The following CFAP61 variants were observed in gnomAD, a reference collection of about 807,000 sequenced individuals.
CFAP61 encodes cilia- and flagella-associated protein 61.
A neutral mutation model predicts 135.6 loss-of-function variants in CFAP61; 107 were observed. That is an observed-to-expected ratio of 0.79 (90% CI 0.67 to 0.93). CFAP61 has a LOEUF of 0.93. Ranked by LOEUF, CFAP61 falls within the 40% of genes least tolerant of loss-of-function variation. The probability of loss-of-function intolerance (pLI) is 0.00; values close to 1 mark genes in which losing one functional copy is unlikely to be tolerated. For synonymous variants in CFAP61, 575 were observed against 578.5 expected (o/e 0.99, Z 0.09); for missense variants, 1,507 against 1,556.2 (o/e 0.97, Z 0.53).
intron 25 of CFAP61, chr20:20,317,008 C>T (rs1569288535): frequency 6.6e-6 from 1 of 151,242 alleles, no homozygotes; most frequent in African/African-American, 2.4e-5. Flanking sequence ...TCCCGAGTAG[C>T]TGGGATTACA....
intron 21 of CFAP61, chr20:20,265,426 G>A: frequency 2.6e-6 from 2 of 779,814 alleles, no homozygotes; most frequent in East Asian, 4.8e-5. Flanking sequence ...TGGAGGAAGA[G>A]CATCAGTGTT....
intron 18 of CFAP61, among the ~76,000 whole-genome samples, chr20:20,238,959 T>G (rs1003048118): frequency 2.1e-5 from 3 of 145,728 alleles, no homozygotes; most frequent in African/African-American, 2.7e-5. Flanking sequence ...ACTTGAAACT[T>G]TTTTTTTTTT....
chr20:20,146,652 T>C (rs1361709777), intron 9 of CFAP61, among the ~76,000 whole-genome samples: 4 of 152,254 alleles, frequency 2.6e-5, no homozygotes, highest in South Asian at 4.1e-4. Context: ...AACTTGCTTA[T>C]ATCCATTCCT....
chr20:20,106,978 T>G (rs949650152), intron 8 of CFAP61, among the ~76,000 whole-genome samples: 2 of 152,094 alleles, frequency 1.3e-5, no homozygotes, highest in African/African-American at 4.8e-5. Flanking sequence ...GTGATAGGGG[T>G]GATTCAAGGG....
At chr20:20,085,262 T>C (rs2046715669) in intron 6 of CFAP61, 1 of 985,468 alleles carries the variant, frequency 1.0e-6, no homozygotes. Flanking sequence ...CGTTGAAACA[T>C]TTGACTGCAT....
At chr20:20,341,009 G>C (rs2058424166) in intron 25 of CFAP61, among the ~76,000 whole-genome samples, 1 of 152,032 alleles carries the variant, frequency 6.6e-6, no homozygotes, top group Non-Finnish European at 1.5e-5. Flanking sequence ...AAAACGGAAG[G>C]TGCCCATTCA....
intron 25 of CFAP61, among the ~76,000 whole-genome samples, chr20:20,300,673 C>T (rs1185754467): frequency 8.7e-5 from 13 of 149,652 alleles, no homozygotes; most frequent in African/African-American, 2.2e-4. Context: ...GGCATGAGCT[C>T]GGCTCACTGA....
intron 26 of CFAP61, among the ~76,000 whole-genome samples, chr20:20,356,461 G>A (rs183794585): frequency 6.7e-5 from 10 of 150,302 alleles, no homozygotes; most frequent in African/African-American, 1.7e-4. Context: ...GTGAGGGGAG[G>A]TGGTCACACT....
rs534164989 is a variant in CFAP61 at position 20,331,605 on chromosome 20, C to T, written c.3423-10226C>T. 5.9e-5 allele frequency among the ~76,000 whole-genome samples: 9 copies of T among 152,198 alleles called. No homozygotes were observed. In the South Asian group the frequency reaches 8.3e-4, roughly 14 times the overall value. On this transcript the variant is annotated intron_variant, in intron 25 of 26. Coordinates refer to ENST00000245957, the MANE Select transcript of CFAP61 (RefSeq NM_015585.4). ...GAGCACTTGTTCAGAATTTAAAGAG[C>T]CATTACTTTAACCAAAGGAATAATA...
At chr20:20,191,676 C>T (rs1367313902) in intron 15 of CFAP61, among the ~76,000 whole-genome samples, 1 of 152,098 alleles carries the variant, frequency 6.6e-6, no homozygotes, top group Non-Finnish European at 1.5e-5. Flanking sequence ...TAGCTTTCCA[C>T]CACCTATACA....
rs547495892 is a variant in CFAP61, at chr20:20,054,761, A to G, written c.-36-1857A>G. Among the ~76,000 whole-genome samples the G allele has an allele frequency of 8.5e-5, 13 of 152,132 alleles. No individual in the cohort carries two copies. In the South Asian group the frequency reaches 2.7e-3, roughly 32 times the overall value. On this transcript the variant is annotated intron_variant, in intron 1 of 26. Coordinates refer to ENST00000245957, the MANE Select transcript of CFAP61 (RefSeq NM_015585.4). ...TGAGAAATATTCTGTCAGTCTAATT[A>G]TTTTTTATAGACAGTCTGTCTTTTG...
intron 6 of CFAP61, among the ~76,000 whole-genome samples, chr20:20,083,340 G>A (rs2046564695): frequency 6.6e-6 from 1 of 151,884 alleles, no homozygotes; most frequent in Admixed American, 6.6e-5. Flanking sequence ...GGGGGCTGGG[G>A]AGGGGGAGGT....
intron 7 of CFAP61, among the ~76,000 whole-genome samples, chr20:20,092,134 G>A (rs1424064838): frequency 1.3e-5 from 2 of 152,126 alleles, no homozygotes; most frequent in Admixed American, 6.5e-5. Context: ...ACAATTCTCC[G>A]ATCCGTCTTT....
chr20:20,350,123 T>C (rs2058779674), intron 26 of CFAP61, among the ~76,000 whole-genome samples: 1 of 152,094 alleles, frequency 6.6e-6, no homozygotes, highest in African/African-American at 2.4e-5. Context: ...GAAATGCAAA[T>C]CAGAACCATA....
At chr20:20,350,556 G>A (rs1476589079) in intron 26 of CFAP61, among the ~76,000 whole-genome samples, 2 of 150,990 alleles carry the variant, frequency 1.3e-5, no homozygotes, top group African/African-American at 4.9e-5. Context: ...TTGAACCCAG[G>A]AGGTGGATGT....
chr20:20,153,892 G>A (rs550633529), intron 9 of CFAP61, among the ~76,000 whole-genome samples: 222 of 151,938 alleles, frequency 1.5e-3, no homozygotes, highest in African/African-American at 5.0e-3. Context: ...CCAAAACCGG[G>A]AAAGGACATA....
chr20:20,161,532 C>T (rs955117214), intron 10 of CFAP61, among the ~76,000 whole-genome samples: 6 of 152,148 alleles, frequency 3.9e-5, no homozygotes, highest in Non-Finnish European at 8.8e-5. Context: ...GAAACTCAGG[C>T]ATCTTTATGG....
At chr20:20,072,420 C>T (rs1325233939) in intron 3 of CFAP61, among the ~76,000 whole-genome samples, 1 of 151,982 alleles carries the variant, frequency 6.6e-6, no homozygotes, top group African/African-American at 2.4e-5. Context: ...TGGCCTAATC[C>T]AGCAATCTTA....
At chr20:20,090,548 G>C (rs532453804) in intron 6 of CFAP61, among the ~76,000 whole-genome samples, 1 of 151,976 alleles carries the variant, frequency 6.6e-6, no homozygotes, top group South Asian at 2.1e-4. Context: ...AAATTAGCTG[G>C]GCGTGGTGGT....
Sources: allele counts gnomAD v4.1 joint callset (sites outside exome capture counted in the v4.1 genomes callset), GRCh38; gene constraint gnomAD v4.1.1; transcripts MANE v1.5; gene names NCBI Gene and HGNC (gene_info 2026-07-23, HGNC 2026-07-21).